Variants in MCCC1 observed in about 807,000 individuals in gnomAD.
The protein encoded by MCCC1 is methylcrotonyl-CoA carboxylase subunit 1.
Under a neutral mutation model 83.8 loss-of-function variants are expected in MCCC1, and 64 were observed. That is an observed-to-expected ratio of 0.76 (90% CI 0.62 to 0.94). The LOEUF (loss-of-function observed/expected upper bound fraction) is 0.94, where lower values mean the gene tolerates loss of function less well. Among genes scored for constraint, MCCC1 ranks in the 40% least tolerant of loss-of-function variants. The pLI, the probability that MCCC1 is intolerant of heterozygous loss-of-function variation, is 0.00. For synonymous variants in MCCC1, 322 were observed against 315.4 expected (o/e 1.02, Z -0.22); for missense variants, 807 against 904.7 (o/e 0.89, Z 1.39).
intron 1 of MCCC1, chr3:183,098,789 G>A (rs1397723583): frequency 6.4e-6 from 1 of 156,954 alleles, no homozygotes; most frequent in Admixed American, 6.1e-5. Flanking sequence ...TAATTTCCCA[G>A]CTCTGTGGAA....
intron 1 of MCCC1, among the ~76,000 whole-genome samples, chr3:183,096,083 C>T (rs1440302095): frequency 1.3e-5 from 2 of 152,284 alleles, no homozygotes; most frequent in East Asian, 3.9e-4. Flanking sequence ...CGCCTGTAAT[C>T]CTAGCAATTT....
intron 7 of MCCC1, among the ~76,000 whole-genome samples, chr3:183,068,849 G>T (rs1420511179): frequency 6.6e-6 from 1 of 152,150 alleles, no homozygotes; most frequent in African/African-American, 2.4e-5. Context: ...AGTAACGTTT[G>T]TACAGGTTTG....
At chr3:183,083,387 G>A (rs1234688991) in intron 4 of MCCC1, among the ~76,000 whole-genome samples, 1 of 152,094 alleles carries the variant, frequency 6.6e-6, no homozygotes. Context: ...TAATTCCAAT[G>A]TTCATTCACT....
At chr3:183,090,848 A>G (rs1319337669) in intron 3 of MCCC1, 2 of 362,000 alleles carry the variant, frequency 5.5e-6, no homozygotes, top group Admixed American at 3.4e-5. Context: ...TCGGCTTCCC[A>G]AAGTGCTGGA....
rs756412317 is a variant in MCCC1, at chr3:183,025,751, T to C, written c.1731+4A>G. On this transcript the variant is annotated splice_donor_region_variant and intron_variant, in intron 15 of 18. Coordinates refer to ENST00000265594, the MANE Select transcript of MCCC1 (RefSeq NM_020166.5). ...CACTGTAGAACAAAACCAGTAAGGC[T>C]TACCTGCATGCTATAAGACCCATCA... The C allele has an allele frequency of 6.2e-7, 1 of 1,613,370 alleles. No individual in the cohort carries two copies. The highest frequency in any genetic ancestry group is 1.3e-5 in the African/African-American group (1 of 74,916).
chr3:183,026,471 G>A (rs1376030218), intron 14 of MCCC1, among the ~76,000 whole-genome samples: 1 of 152,146 alleles, frequency 6.6e-6, no homozygotes, highest in Non-Finnish European at 1.5e-5. Context: ...CAGCACTTTG[G>A]GAGGCAGAGG....
intron 12 of MCCC1, among the ~76,000 whole-genome samples, chr3:183,037,829 G>A (rs1713753340): frequency 6.6e-6 from 1 of 152,234 alleles, no homozygotes; most frequent in East Asian, 1.9e-4. Context: ...TAGGAAGACT[G>A]CAAACAGCAA....
At chr3:183,114,116 G>C (rs1407693224) in intron 1 of MCCC1, among the ~76,000 whole-genome samples, 4 of 152,184 alleles carry the variant, frequency 2.6e-5, no homozygotes, top group Admixed American at 2.0e-4. Context: ...ATAAGATACT[G>C]TGGCGAGCTA....
At chr3:183,109,666 C>G (rs754966489) in intron 1 of MCCC1, among the ~76,000 whole-genome samples, 12 of 152,108 alleles carry the variant, frequency 7.9e-5, no homozygotes, top group Non-Finnish European at 1.3e-4. Flanking sequence ...TGATGGGCAC[C>G]TAGGTTGACT....
chr3:183,105,420 T>A (rs966092864), intron 1 of MCCC1, among the ~76,000 whole-genome samples: 3 of 152,146 alleles, frequency 2.0e-5, no homozygotes, highest in Admixed American at 2.0e-4. Context: ...CAGAGCAATA[T>A]GTACTCATAA....
In MCCC1 at chr3:183,072,573, G is replaced by A; in HGVS notation, c.370-86C>T. The A allele has an allele frequency of 2.0e-6, 3 of 1,490,378 alleles. No individual in the cohort carries two copies. The South Asian group carries it at 3.4e-5, about 17-fold the overall frequency. 92.3% of individuals were successfully genotyped at this position (1,490,378 alleles called of 1,614,324 possible). ...TGCAGGTGAAGCTGTCTTCCTCTGGGAGGCCTCTCCCTACACTGGTAATAG... is the reference window on the plus strand; with the variant it reads ...TGCAGGTGAAGCTGTCTTCCTCTGGAAGGCCTCTCCCTACACTGGTAATAG... On this transcript the variant is annotated intron_variant, in intron 4 of 18. Transcript: ENST00000265594.
chr3:183,108,493 T>C (rs1719440845), intron 1 of MCCC1, among the ~76,000 whole-genome samples: 1 of 152,236 alleles, frequency 6.6e-6, no homozygotes, highest in East Asian at 1.9e-4. Flanking sequence ...CCATATGGTT[T>C]TGTCTCCGAG....
chr3:183,075,059 TA>T (rs1162977040), intron 4 of MCCC1, among the ~76,000 whole-genome samples: 1 of 152,244 alleles, frequency 6.6e-6, no homozygotes, highest in African/African-American at 2.4e-5. Context: ...TATGCTTTAT[TA>T]TGGCTGCATA....
At chr3:183,020,873 C>T (rs781159883) in intron 16 of MCCC1, among the ~76,000 whole-genome samples, 82 of 152,204 alleles carry the variant, frequency 5.4e-4, no homozygotes, top group Non-Finnish European at 2.8e-4. Flanking sequence ...TCCTGGCTAA[C>T]ATGGTGAAAC....
chr3:183,062,219 T>C (rs1289280468), intron 7 of MCCC1, among the ~76,000 whole-genome samples: 1 of 152,214 alleles, frequency 6.6e-6, no homozygotes, highest in Non-Finnish European at 1.5e-5. Flanking sequence ...ATACCACTTC[T>C]GACTCTCCCT....
upstream of MCCC1, among the ~76,000 whole-genome samples, chr3:183,101,380 G>T (rs1455088966): frequency 6.6e-6 from 1 of 152,224 alleles, no homozygotes; most frequent in Non-Finnish European, 1.5e-5. Flanking sequence ...TGGTGGGGAC[G>T]TGGAGAGTCT....
At chr3:183,017,223 G>A in intron 18 of MCCC1, 43 bp downstream of exon 18, 1 of 1,538,602 alleles carries the variant, frequency 6.5e-7, no homozygotes, top group Non-Finnish European at 9.0e-7. Flanking sequence ...AGGTATGATT[G>A]CTCCCAAAGT....
At chr3:183,025,610 G>C (rs971127608) in intron 15 of MCCC1, 145 bp downstream of exon 15, 1 of 748,746 alleles carries the variant, frequency 1.3e-6, no homozygotes, top group South Asian at 1.6e-5. Context: ...CCCAAATTGG[G>C]TCTGAAATAC....
At chr3:183,041,775 T>C (rs1714110179) in intron 10 of MCCC1, 25 bp from the exon 11 acceptor site, 6 of 1,613,588 alleles carry the variant, frequency 3.7e-6, no homozygotes, top group African/African-American at 2.7e-5. Flanking sequence ...GTGTTTCTTA[T>C]GAAATCTACC....
Sources: gnomAD v4.1 joint callset for allele counts (sites outside exome capture counted in the v4.1 genomes callset) on GRCh38, gnomAD v4.1.1 for gene constraint, MANE v1.5 for transcripts, NCBI Gene and HGNC (gene_info 2026-07-23, HGNC 2026-07-21) for gene names.